PTPRC: variants seen among roughly 807,000 people sequenced by gnomAD.
The protein encoded by PTPRC is protein tyrosine phosphatase receptor type C.
Under a neutral mutation model 155.9 loss-of-function variants are expected in PTPRC, and 44 were observed. The ratio of observed to expected loss-of-function variants is 0.28; its 90% CI spans 0.22 to 0.36. PTPRC has a LOEUF of 0.36. Ranked by LOEUF, PTPRC falls within the 10% of genes least tolerant of loss-of-function variation. The pLI, the probability that PTPRC is intolerant of heterozygous loss-of-function variation, is 1.00. For synonymous variants in PTPRC, 525 were observed against 533.1 expected (o/e 0.98, Z 0.21); for missense variants, 1,401 against 1,564.6 (o/e 0.90, Z 1.76).
At chr1:198,664,049 C>T (rs951660827) in intron 2 of PTPRC, among the ~76,000 whole-genome samples, 1 of 151,816 alleles carries the variant, frequency 6.6e-6, no homozygotes, top group Non-Finnish European at 1.5e-5. Flanking sequence ...GTTAAAGATG[C>T]TATGGGGGTG....
intron 27 of PTPRC, among the ~76,000 whole-genome samples, chr1:198,748,547 C>G (rs537066210): frequency 4.6e-5 from 7 of 151,700 alleles, no homozygotes; most frequent in African/African-American, 1.2e-4. Context: ...TTATTTACTC[C>G]AGGGTAATTG....
intron 11 of PTPRC, among the ~76,000 whole-genome samples, chr1:198,712,351 T>A (rs1174241895): frequency 6.6e-6 from 1 of 152,152 alleles, no homozygotes; most frequent in Non-Finnish European, 1.5e-5. Flanking sequence ...AGGAGCTGAG[T>A]TGACTGGGAA....
At chr1:198,666,715 A>G (rs1664331791) in intron 2 of PTPRC, among the ~76,000 whole-genome samples, 1 of 152,190 alleles carries the variant, frequency 6.6e-6, no homozygotes, top group Admixed American at 6.5e-5. Flanking sequence ...CACTCCTTTC[A>G]AGGTAGACTA....
chr1:198,654,794 C>T (rs1663463108), intron 2 of PTPRC, among the ~76,000 whole-genome samples: 1 of 151,648 alleles, frequency 6.6e-6, no homozygotes, highest in Non-Finnish European at 1.5e-5. Flanking sequence ...TAGAATTTTA[C>T]AATATTTTAT....
chr1:198,708,091 T>C, intron 9 of PTPRC, 42 bp from the exon 10 acceptor site: 1 of 1,552,520 alleles, frequency 6.4e-7, no homozygotes, highest in African/African-American at 1.4e-5. Context: ...GGATACACAT[T>C]ATGAAATACT....
chr1:198,707,909 T>TTTG (rs1262697703), intron 9 of PTPRC, among the ~76,000 whole-genome samples: 1 of 152,164 alleles, frequency 6.6e-6, no homozygotes, highest in Non-Finnish European at 1.5e-5. Context: ...AACTTATAAA[T>TTTG]GAAACACTAC....
rs1654961298 is a variant in PTPRC at position 198,742,732 on chromosome 1, C to T, written c.2697+365C>T. 2.0e-5 allele frequency among the ~76,000 whole-genome samples: 3 copies of T among 151,784 alleles called. No individual in the cohort carries two copies. In the South Asian group the frequency reaches 6.2e-4, roughly 31 times the overall value. ...AATCAACAGCTGGTTTTAGAAACTA[C>T]ACTTACAGGTTTCAAATCTTGCTTT... is the stretch of plus-strand genomic sequence containing the variant. On this transcript the variant is annotated intron_variant, in intron 25 of 32. Coordinates refer to ENST00000442510, the MANE Select transcript of PTPRC (RefSeq NM_002838.5).
intron 6 of PTPRC, among the ~76,000 whole-genome samples, chr1:198,702,974 T>C (rs576602474): frequency 6.6e-6 from 1 of 152,158 alleles, no homozygotes; most frequent in African/African-American, 2.4e-5. Context: ...TTTAAAAGAG[T>C]AATTGTGACG....
At chr1:198,726,763 C>G (rs1352646305) in intron 15 of PTPRC, among the ~76,000 whole-genome samples, 1 of 152,082 alleles carries the variant, frequency 6.6e-6, no homozygotes, top group Non-Finnish European at 1.5e-5. Flanking sequence ...AATACATCCC[C>G]TCTACTTCCT....
Position 198,756,860 on chromosome 1 carries a change from A to C in PTPRC, c.*679A>C, listed in dbSNP as rs1392833592. The C allele has an allele frequency of 1.3e-5, 2 of 151,920 alleles. No homozygotes were observed. Among genetic ancestry groups the C allele is most frequent in the Admixed American group, 6.6e-5 (1 of 15,208 alleles). 9.4% of individuals were successfully genotyped at this position (151,920 alleles called of 1,614,324 possible). On this transcript the variant is annotated 3_prime_UTR_variant, in exon 33 of 33. Coordinates refer to ENST00000442510, the MANE Select transcript of PTPRC (RefSeq NM_002838.5). ...TTATTTAATTAAAAAATTTCCAGTGAGCTTATCATGCTGTCTTTACATGGG... is the reference window on the plus strand; with the variant it reads ...TTATTTAATTAAAAAATTTCCAGTGCGCTTATCATGCTGTCTTTACATGGG...
intron 25 of PTPRC, among the ~76,000 whole-genome samples, chr1:198,743,067 C>CAAAAAAAAAAAAAAAAAAAAAAAGAAA: frequency 1.3e-5 from 1 of 75,946 alleles, no homozygotes; most frequent in Non-Finnish European, 2.5e-5. Flanking sequence ...GTCAAAATAG[C>CAAAAAAAAAAAAAAAAAAAAAAAGAAA]AAAAAAAAAA....
At chr1:198,658,923 A>G (rs945505007) in intron 2 of PTPRC, among the ~76,000 whole-genome samples, 2 of 152,156 alleles carry the variant, frequency 1.3e-5, no homozygotes, top group African/African-American at 4.8e-5. Flanking sequence ...CGTTAAGTTG[A>G]ATAACTGATA....
chr1:198,752,323 C>A lies in PTPRC; in HGVS notation c.3282C>A (p.Asp1094Glu), dbSNP rs1169345578. 6.2e-7 allele frequency: 1 copy of A among 1,612,402 alleles called. No individual in the cohort carries two copies. The highest frequency in any genetic ancestry group is 1.7e-5 in the Admixed American group (1 of 59,852). Residue 1094 changes from aspartate (D) to glutamate (E), a missense_variant, in exon 30 of 33, where the codon GAC becomes GAA. By Grantham distance (45) the Asp-to-Glu change is conservative. Coordinates refer to ENST00000442510, the MANE Select transcript of PTPRC (RefSeq NM_002838.5). Reference sequence around the variant, plus strand: ...TTGAAGTTGACCTGAAAGACACAGACAAATCTTCAACTTATACCCTTCGTG... The same window carrying A: ...TTGAAGTTGACCTGAAAGACACAGAAAAATCTTCAACTTATACCCTTCGTG... ...GDIEVDLKDT[D>E]KSSTYTLRVF...
chr1:198,668,208 CT>C lies in PTPRC; in HGVS notation c.74-24130del, dbSNP rs542208883. ...CCAAAGTGGTATCATGGTGTGATGT[CT>C]TTTTTTTTATTTTTGTTTTAGAGAC... On this transcript the variant is annotated intron_variant, in intron 2 of 32. Coordinates refer to ENST00000442510, the MANE Select transcript of PTPRC (RefSeq NM_002838.5). 9.2e-5 allele frequency among the ~76,000 whole-genome samples: 14 copies of C among 151,392 alleles called. No individual in the cohort carries two copies. The South Asian group carries it at 1.9e-3, about 20-fold the overall frequency.
chr1:198,659,804 A>G (rs1437781968), intron 2 of PTPRC, among the ~76,000 whole-genome samples: 4 of 151,848 alleles, frequency 2.6e-5, no homozygotes, highest in Non-Finnish European at 5.9e-5. Flanking sequence ...GGCCTCCCAA[A>G]GTATTGGGAT....
At chr1:198,692,022 C>T (rs1665952396) in intron 2 of PTPRC, among the ~76,000 whole-genome samples, 2 of 151,924 alleles carry the variant, frequency 1.3e-5, no homozygotes, top group South Asian at 4.1e-4. Flanking sequence ...ATAAATAATG[C>T]ATTTGGGAAA....
intron 2 of PTPRC, among the ~76,000 whole-genome samples, chr1:198,681,726 T>C (rs1174755686): frequency 1.3e-5 from 2 of 152,252 alleles, no homozygotes; most frequent in African/African-American, 2.4e-5. Context: ...TAGGTTTAAC[T>C]TATTTTTGTC....
chr1:198,690,949 T>A (rs1665890472), intron 2 of PTPRC, among the ~76,000 whole-genome samples: 2 of 152,122 alleles, frequency 1.3e-5, no homozygotes, highest in African/African-American at 4.8e-5. Context: ...TTGACCCATG[T>A]TAATGCACCA....
At chr1:198,700,267 C>A (rs1318030244) in intron 5 of PTPRC, 1 of 159,186 alleles carries the variant, frequency 6.3e-6, no homozygotes, top group Non-Finnish European at 1.4e-5. Context: ...AAATTAGTGT[C>A]CAAATCACTT....
Sources: allele counts gnomAD v4.1 joint callset (sites outside exome capture counted in the v4.1 genomes callset), GRCh38; gene constraint gnomAD v4.1.1; transcripts MANE v1.5; gene names NCBI Gene and HGNC (gene_info 2026-07-23, HGNC 2026-07-21).